CSGALNACT1: variants seen among roughly 807,000 people sequenced by gnomAD.
CSGALNACT1 encodes the protein chondroitin sulfate N-acetylgalactosaminyltransferase 1, also known as beta4GalNAcT-1.
CSGALNACT1 carries 52 observed loss-of-function variants against 51.0 expected under a neutral mutation model. The observed-to-expected ratio is 1.02, with a 90% confidence interval of 0.82 to 1.29. CSGALNACT1 has a LOEUF of 1.29. CSGALNACT1 is among the 50% of genes most tolerant of loss of function. The probability of loss-of-function intolerance (pLI) is 0.00; values close to 1 mark genes in which losing one functional copy is unlikely to be tolerated. For missense variants in CSGALNACT1, 935 were observed against 679.2 expected, an observed-to-expected ratio of 1.38 and a Z score of -4.19; for synonymous variants, 341 against 254.4, an observed-to-expected ratio of 1.34 and a Z score of -3.24.
At chr8:19,734,198 C>T (rs928306464) in intron 1 of CSGALNACT1, among the ~76,000 whole-genome samples, 8 of 146,562 alleles carry the variant, frequency 5.5e-5, no homozygotes, top group Non-Finnish European at 1.2e-4. Context: ...CTGTACACAA[C>T]CTGAAATCTA....
rs953655046 is a variant in CSGALNACT1 at position 19,457,916 on chromosome 8, G to T, written c.851+510C>A. The T allele has an allele frequency of 4.1e-6, 3 of 731,580 alleles. No homozygotes were observed. The African/African-American group carries it at 5.5e-5, about 13-fold the overall frequency. 45.3% of individuals were successfully genotyped at this position (731,580 alleles called of 1,614,324 possible). ...CTACACTTAAGTCTAAGATGATGCAGGTTACAATAAAAGATAGATTTGGAT... is the reference window on the plus strand; with the variant it reads ...CTACACTTAAGTCTAAGATGATGCATGTTACAATAAAAGATAGATTTGGAT... On this transcript the variant is annotated intron_variant, in intron 5 of 9. Transcript: ENST00000454498.
chr8:19,505,438 C>A (rs377493563), exon 4 of CSGALNACT1: 1 of 1,614,232 alleles, frequency 6.2e-7, no homozygotes, highest in East Asian at 2.2e-5. Context: ...CCAGCATTCA[C>A]CTCTGCCTTG....
rs1470568706 is a variant in CSGALNACT1 at position 19,559,022 on chromosome 8, A to T, written c.-297+32138T>A. ...ACTACATGCATAGGTAAACAGTTCT[A>T]TTTCAAAGCAACTGTGGCTTTCACA... On this transcript the variant is annotated intron_variant, in intron 3 of 9. Transcript: ENST00000454498. Among the ~76,000 whole-genome samples, 5 of 152,186 alleles carry T rather than the reference A, an allele frequency of 3.3e-5. No individual in the cohort carries two copies. The East Asian group carries it at 7.7e-4, about 23-fold the overall frequency.
chr8:19,691,515 T>A (rs2061321032), intron 1 of CSGALNACT1, among the ~76,000 whole-genome samples: 1 of 152,186 alleles, frequency 6.6e-6, no homozygotes. Flanking sequence ...ACCAAACAAC[T>A]AACTCCACAG....
intron 5 of CSGALNACT1, among the ~76,000 whole-genome samples, chr8:19,447,953 C>T (rs1426068710): frequency 6.6e-6 from 1 of 152,204 alleles, no homozygotes. Context: ...GTGTGATAGA[C>T]ATGCTGGTGG....
chr8:19,572,923 A>C (rs551570650), intron 3 of CSGALNACT1, among the ~76,000 whole-genome samples: 20 of 152,350 alleles, frequency 1.3e-4, no homozygotes, highest in South Asian at 4.1e-4. Flanking sequence ...CTGCAGTCCC[A>C]AAAATCCTAA....
intron 3 of CSGALNACT1, among the ~76,000 whole-genome samples, chr8:19,571,437 A>T (rs2043001021): frequency 1.3e-5 from 2 of 151,758 alleles, no homozygotes. Flanking sequence ...CCAGAAAGCA[A>T]TTAAGAGTAG....
chr8:19,741,432 A>T (rs1228341277), intron 1 of CSGALNACT1, among the ~76,000 whole-genome samples: 4 of 152,060 alleles, frequency 2.6e-5, no homozygotes, highest in Non-Finnish European at 5.9e-5. Flanking sequence ...GCGTGGTGGC[A>T]CACACCTGTA....
At chr8:19,459,970 G>C (rs909019557) in intron 4 of CSGALNACT1, among the ~76,000 whole-genome samples, 4 of 152,118 alleles carry the variant, frequency 2.6e-5, no homozygotes, top group Admixed American at 2.0e-4. Context: ...TGCCCTCTCA[G>C]AACAAGCCTC....
chr8:19,424,325 C>T (rs901516749), intron 6 of CSGALNACT1, among the ~76,000 whole-genome samples: 5 of 152,064 alleles, frequency 3.3e-5, no homozygotes, highest in South Asian at 2.1e-4. Context: ...GCTAGGGGTC[C>T]GTCTGAGGAT....
intron 3 of CSGALNACT1, among the ~76,000 whole-genome samples, chr8:19,578,499 T>C (rs1352121215): frequency 6.6e-6 from 1 of 151,428 alleles, no homozygotes; most frequent in Non-Finnish European, 1.5e-5. Flanking sequence ...AACTTTTATT[T>C]AAGTGACTGT....
At chr8:19,656,026 T>C (rs2058242832) in intron 1 of CSGALNACT1, among the ~76,000 whole-genome samples, 1 of 152,110 alleles carries the variant, frequency 6.6e-6, no homozygotes, top group East Asian at 1.9e-4. Flanking sequence ...CAGGATTTGA[T>C]AGGGCAGAAT....
intron 1 of CSGALNACT1, among the ~76,000 whole-genome samples, chr8:19,610,278 C>T (rs1282880623): frequency 7.8e-6 from 1 of 128,538 alleles, no homozygotes. Context: ...CGACAGAGTA[C>T]GACTCCGTCT....
rs184710184 is a variant in CSGALNACT1, at chr8:19,454,167, G to A, written c.851+4259C>T. On this transcript the variant is annotated intron_variant, in intron 5 of 9. Transcript: ENST00000454498. ...AAGCCCAGCTAAGCTGACTGTCCAC[G>A]ATGACAACAAGTATATACTCCATTC... 3.3e-5 allele frequency among the ~76,000 whole-genome samples: 5 copies of A among 152,282 alleles called. No individual in the cohort carries two copies. In the East Asian group the frequency reaches 7.7e-4, roughly 24 times the overall value.
chr8:19,456,611 C>T (rs1352049268), intron 5 of CSGALNACT1, among the ~76,000 whole-genome samples: 1 of 152,300 alleles, frequency 6.6e-6, no homozygotes, highest in Non-Finnish European at 1.5e-5. Context: ...AGAGCAAAAA[C>T]ACTAAAAGAA....
At chr8:19,749,667 T>C (rs890773511) in intron 1 of CSGALNACT1, among the ~76,000 whole-genome samples, 6 of 152,286 alleles carry the variant, frequency 3.9e-5, no homozygotes, top group Admixed American at 1.3e-4. Flanking sequence ...AGCAGGGCCC[T>C]ATACAGGCCT....
In CSGALNACT1 at chr8:19,442,716, TA is replaced by T. The variant is rs33995376; in HGVS notation, c.852-2786del. Among the ~76,000 whole-genome samples the T allele has an allele frequency of 1.3e-3, 183 of 143,226 alleles. 2 individuals carry two copies. Among genetic ancestry groups the T allele is most frequent in the South Asian group, 0.012 (54 of 4,512 alleles). The allele number at this position is 143,226 out of a possible 152,430, so 94.0% of individuals were successfully genotyped here. On this transcript the variant is annotated intron_variant, in intron 5 of 9. Coordinates refer to ENST00000454498, the Ensembl canonical transcript of CSGALNACT1. ...CACATGTACCCTAAAACTTAAAGTA[TA>T]AAAAAAAAAAAAGACTATGAAGTAC... is the stretch of plus-strand genomic sequence containing the variant.
intron 3 of CSGALNACT1, among the ~76,000 whole-genome samples, chr8:19,591,003 G>A (rs183641214): frequency 6.6e-6 from 1 of 152,258 alleles, no homozygotes; most frequent in Non-Finnish European, 1.5e-5. Context: ...AGGGATACTG[G>A]AAAAATTAAT....
chr8:19,670,385 T>A (rs2059698327), intron 1 of CSGALNACT1, among the ~76,000 whole-genome samples: 1 of 152,178 alleles, frequency 6.6e-6, no homozygotes, highest in Non-Finnish European at 1.5e-5. Flanking sequence ...CAACAGAAGA[T>A]TACTGCAGCC....
Sources: gnomAD v4.1 joint callset for allele counts (sites outside exome capture counted in the v4.1 genomes callset) on GRCh38, gnomAD v4.1.1 for gene constraint, MANE v1.5 for transcripts, NCBI Gene and HGNC (gene_info 2026-07-23, HGNC 2026-07-21) for gene names.